The following RGS20 variants were observed in gnomAD, a reference collection of about 807,000 sequenced individuals.
RGS20 encodes the protein regulator of G protein signaling 20.
A neutral mutation model predicts 33.6 loss-of-function variants in RGS20; 30 were observed. That is an observed-to-expected ratio of 0.89 (90% CI 0.67 to 1.21). The LOEUF is 1.21. RGS20 is among the 50% of genes most tolerant of loss of function. The pLI, the probability that RGS20 is intolerant of heterozygous loss-of-function variation, is 0.00. For missense variants in RGS20, 472 were observed against 502.4 expected (o/e 0.94, Z 0.58); for synonymous variants, 208 against 197.9 (o/e 1.05, Z -0.43).
At chr8:53,907,245 C>G (rs1813206276) in intron 2 of RGS20, among the ~76,000 whole-genome samples, 1 of 151,966 alleles carries the variant, frequency 6.6e-6, no homozygotes. Flanking sequence ...TTTTCTGAAG[C>G]ATTTGATGTT....
intron 1 of RGS20, among the ~76,000 whole-genome samples, chr8:53,866,919 G>T (rs971282009): frequency 6.6e-6 from 1 of 152,074 alleles, no homozygotes; most frequent in Non-Finnish European, 1.5e-5. Flanking sequence ...GGGTTTGGAC[G>T]TGTGTGTGTC....
chr8:53,898,879 T>C (rs1021758335), intron 2 of RGS20, among the ~76,000 whole-genome samples: 1 of 152,256 alleles, frequency 6.6e-6, no homozygotes, highest in Non-Finnish European at 1.5e-5. Context: ...TTCTGATCTT[T>C]GTACTGACGT....
At position 53,877,965 on chromosome 8, in the gene RGS20, C is replaced by T. The variant is rs962433078; in HGVS notation, c.166-1293C>T. Among the ~76,000 whole-genome samples, 1 of 152,182 alleles carries T rather than the reference C, an allele frequency of 6.6e-6. No homozygotes were observed. On this transcript the variant is annotated intron_variant, in intron 1 of 5. Coordinates refer to ENST00000297313, the MANE Select transcript of RGS20 (RefSeq NM_170587.4). This position sits in a 1 kb window ranked among gnomAD's most constrained non-coding sequence, Gnocchi z 5.7. ...TGCGGAGTGAGGGAACCGCGCCAGG[C>T]CCACGAGGCCGCTCGCGACCGCTCC...
chr8:53,912,402 A>G (rs1422965936), intron 2 of RGS20, among the ~76,000 whole-genome samples: 3 of 150,300 alleles, frequency 2.0e-5, no homozygotes, highest in African/African-American at 7.4e-5. Context: ...TCAAAAAAAG[A>G]TACCTGGTTT....
At chr8:53,888,172 G>A in intron 2 of RGS20, among the ~76,000 whole-genome samples, 1 of 151,978 alleles carries the variant, frequency 6.6e-6, no homozygotes, top group South Asian at 2.1e-4. Context: ...CATTTAAGGG[G>A]GACTTTACAT....
rs529546128 is a variant in RGS20, at chr8:53,869,590, C to T, written c.166-9668C>T. On this transcript the variant is annotated intron_variant, in intron 1 of 5. Transcript: ENST00000297313. ...ACTCGGGAGGCTGAGGCAGGAGAAT[C>T]GCTTGAACCTGGGATTTGGAGGTTG... Among the ~76,000 whole-genome samples the T allele has an allele frequency of 4.6e-5, 7 of 152,150 alleles. No homozygotes were observed. In the South Asian group the frequency reaches 6.2e-4, roughly 14 times the overall value.
At chr8:53,920,500 C>T (rs913500825) in intron 2 of RGS20, among the ~76,000 whole-genome samples, 3 of 152,068 alleles carry the variant, frequency 2.0e-5, no homozygotes, top group Admixed American at 6.6e-5. Context: ...AGTTTTACTT[C>T]CTTTTCAATT....
Position 53,880,787 on chromosome 8 carries a change from G to A in RGS20, c.510+1185G>A, listed in dbSNP as rs1812341487. 4.8e-6 allele frequency: 6 copies of A among 1,249,532 alleles called. No individual in the cohort carries two copies. In the South Asian group the frequency reaches 4.9e-5, roughly 10 times the overall value. 77.4% of individuals were successfully genotyped at this position (1,249,532 alleles called of 1,614,324 possible). ...CCTCGGGGGTACCCCTAGCACCCGCGGCGGTGGAGTGCGCCGCCGCTGGAG... is the reference window on the plus strand; with the variant it reads ...CCTCGGGGGTACCCCTAGCACCCGCAGCGGTGGAGTGCGCCGCCGCTGGAG... On this transcript the variant is annotated intron_variant, in intron 2 of 5. Coordinates refer to ENST00000297313, the MANE Select transcript of RGS20 (RefSeq NM_170587.4).
chr8:53,939,903 C>G (rs1416777697), intron 3 of RGS20, among the ~76,000 whole-genome samples, 179 bp downstream of exon 2: 1 of 152,200 alleles, frequency 6.6e-6, no homozygotes, highest in Non-Finnish European at 1.5e-5. Flanking sequence ...CAGGCTGCAT[C>G]TGTCTAGCTC....
intron 2 of RGS20, among the ~76,000 whole-genome samples, chr8:53,918,383 T>C (rs939519441): frequency 1.3e-4 from 18 of 136,688 alleles, no homozygotes; most frequent in African/African-American, 5.8e-4. Context: ...ATATTTTCTT[T>C]TTTTTTCTTT....
intron 4 of RGS20, among the ~76,000 whole-genome samples, chr8:53,949,679 T>C (rs1208869704): frequency 6.7e-6 from 1 of 149,982 alleles, no homozygotes; most frequent in East Asian, 2.0e-4. Flanking sequence ...ATTGCACCAC[T>C]GCACCCCAGC....
In RGS20 at chr8:53,852,137, A is replaced by G. The variant is rs878974668; in HGVS notation, c.165+73A>G. 3.3e-5 allele frequency: 45 copies of G among 1,380,320 alleles called. 1 individual carries two copies. In the South Asian group the frequency reaches 6.9e-4, roughly 21 times the overall value. 85.5% of individuals were successfully genotyped at this position (1,380,320 alleles called of 1,614,324 possible). ...GTTTACCCAGAAAGAATATAAAACT[A>G]TACTCAAGCTTTAGTGCCATTGCTC... On this transcript the variant is annotated intron_variant, in intron 1 of 5. Transcript: ENST00000297313.
chr8:53,853,880 A>G (rs193217284), intron 1 of RGS20, among the ~76,000 whole-genome samples: 51 of 152,318 alleles, frequency 3.3e-4, no homozygotes, highest in Middle Eastern at 3.4e-3. Flanking sequence ...TATGATCACT[A>G]TGGGGTAAGA....
chr8:53,857,921 A>G (rs1429650139), intron 1 of RGS20, among the ~76,000 whole-genome samples: 2 of 152,244 alleles, frequency 1.3e-5, no homozygotes, highest in East Asian at 3.8e-4. Flanking sequence ...AGATGAGATG[A>G]TGGATATGTT....
In RGS20 at chr8:53,926,190, A is replaced by G. The variant is rs546127580; in HGVS notation, c.511-13386A>G. On this transcript the variant is annotated intron_variant, in intron 2 of 5. Coordinates refer to ENST00000297313, the MANE Select transcript of RGS20 (RefSeq NM_170587.4). Reference sequence around the variant, plus strand: ...ACACCACTGTACTGCAGCCTGGGCAACAGAGTGAGATCCTGTCTCAAAAAA... The same window carrying G: ...ACACCACTGTACTGCAGCCTGGGCAGCAGAGTGAGATCCTGTCTCAAAAAA... 8.5e-5 allele frequency among the ~76,000 whole-genome samples: 13 copies of G among 152,316 alleles called. 1 individual carries two copies. In the East Asian group the frequency reaches 1.9e-3, roughly 23 times the overall value.
At chr8:53,926,274 T>A (rs1338869527) in intron 2 of RGS20, among the ~76,000 whole-genome samples, 1 of 152,180 alleles carries the variant, frequency 6.6e-6, no homozygotes, top group Non-Finnish European at 1.5e-5. Flanking sequence ...TCCTCTCAAA[T>A]TTTCTTATAT....
chr8:53,884,755 GAGCATGTGCTATCTCT>G (rs1162526562), intron 2 of RGS20, among the ~76,000 whole-genome samples: 1 of 152,188 alleles, frequency 6.6e-6, no homozygotes, highest in Non-Finnish European at 1.5e-5. Context: ...AAAAGTGTAC[GAGCATGTGCTATCTCT>G]AGCACCAAGA....
intron 1 of RGS20, among the ~76,000 whole-genome samples, chr8:53,853,795 G>A (rs1178491389): frequency 1.3e-5 from 2 of 152,170 alleles, no homozygotes; most frequent in Non-Finnish European, 2.9e-5. Flanking sequence ...TTATCAGCAT[G>A]ACTCATGTCA....
intron 2 of RGS20, among the ~76,000 whole-genome samples, chr8:53,881,885 CTG>C (rs765245507): frequency 1.3e-5 from 2 of 151,926 alleles, no homozygotes; most frequent in Non-Finnish European, 2.9e-5. Context: ...ACTGCGGAGA[CTG>C]GAAAGCAGGG....
Sources: gnomAD v4.1 joint callset for allele counts (sites outside exome capture counted in the v4.1 genomes callset) on GRCh38, gnomAD v4.1.1 for gene constraint, Gnocchi (gnomAD v3.1) non-coding constraint, MANE v1.5 for transcripts, NCBI Gene and HGNC (gene_info 2026-07-23, HGNC 2026-07-21) for gene names.